Variants in ST3GAL2 observed in about 807,000 individuals in gnomAD.
ST3GAL2 encodes the protein CMP-N-acetylneuraminate-beta-galactosamide-alpha-2,3-sialyltransferase 2.
A neutral mutation model predicts 37.5 loss-of-function variants in ST3GAL2; 16 were observed. The ratio of observed to expected loss-of-function variants is 0.43; its 90% CI spans 0.29 to 0.65. The LOEUF is 0.65. Among genes scored for constraint, ST3GAL2 ranks in the 30% least tolerant of loss-of-function variants. ST3GAL2 has a pLI of 0.17. For missense variants in ST3GAL2, 383 were observed against 487.8 expected (o/e 0.79, Z 2.02); for synonymous variants, 238 against 202.9 (o/e 1.17, Z -1.47).
At chr16:70,414,633 C>G (rs983125387) in intron 1 of ST3GAL2, among the ~76,000 whole-genome samples, 1 of 152,116 alleles carries the variant, frequency 6.6e-6, no homozygotes, top group Non-Finnish European at 1.5e-5. Flanking sequence ...AGACTGTTAC[C>G]AAGCAGCCAA....
chr16:70,376,618 C>G lies in ST3GAL2; in HGVS notation c.*5071G>C, dbSNP rs2047347694. On this transcript the variant is annotated 3_prime_UTR_variant, in exon 7 of 7. Transcript: ENST00000342907. ...TGAGAAGGGGCATTGATTCCTAATT[C>G]ACACTCAAAAGGGAATACTTTTATT... 1 of 152,150 alleles carries G rather than the reference C, an allele frequency of 6.6e-6. No individual in the cohort carries two copies. The highest frequency in any genetic ancestry group is 2.4e-5 in the African/African-American group (1 of 41,426). The allele number at this position is 152,150 out of a possible 1,614,324, so 9.4% of individuals were successfully genotyped here.
At chr16:70,429,725 T>G (rs2047776428) in intron 1 of ST3GAL2, among the ~76,000 whole-genome samples, 1 of 129,984 alleles carries the variant, frequency 7.7e-6, no homozygotes, top group Non-Finnish European at 1.6e-5. Flanking sequence ...CACTGTAACC[T>G]CCACCTCCCA....
intron 1 of ST3GAL2, among the ~76,000 whole-genome samples, chr16:70,411,819 AC>A (rs1006482675): frequency 1.3e-5 from 2 of 151,816 alleles, no homozygotes; most frequent in Non-Finnish European, 2.9e-5. Context: ...ACATGGAGAA[AC>A]CCCGTCTCTA....
intron 1 of ST3GAL2, among the ~76,000 whole-genome samples, chr16:70,437,587 G>A (rs866410032): frequency 2.7e-5 from 4 of 149,326 alleles, no homozygotes; most frequent in Admixed American, 6.8e-5. Context: ...CTGAGCCCTC[G>A]TTCCCTCTAA....
intron 1 of ST3GAL2, among the ~76,000 whole-genome samples, chr16:70,416,200 G>A (rs1243853677): frequency 6.6e-6 from 1 of 152,166 alleles, no homozygotes; most frequent in African/African-American, 2.4e-5. Flanking sequence ...TCTTTCAGCT[G>A]CTAATGTATT....
chr16:70,381,944 G>T, intron 6 of ST3GAL2, 82 bp from the exon 7 acceptor site: 1 of 1,557,350 alleles, frequency 6.4e-7, no homozygotes, highest in Non-Finnish European at 8.7e-7. Context: ...ACAGGGAGGA[G>T]AGGGGACGGG....
chr16:70,438,783 C>T (rs1247871512), intron 1 of ST3GAL2, among the ~76,000 whole-genome samples, 166 bp downstream of exon 1: 6 of 151,988 alleles, frequency 3.9e-5, no homozygotes, highest in Non-Finnish European at 1.5e-5. Flanking sequence ...CGCGCGGACC[C>T]CCGCCCACAC....
chr16:70,438,112 G>C (rs908520844), intron 1 of ST3GAL2, among the ~76,000 whole-genome samples: 1 of 152,222 alleles, frequency 6.6e-6, no homozygotes, highest in Admixed American at 6.5e-5. Context: ...GCTAACTTGA[G>C]CAAGCAAGCA....
chr16:70,435,618 A>G (rs1454779314), intron 1 of ST3GAL2, among the ~76,000 whole-genome samples: 1 of 151,116 alleles, frequency 6.6e-6, no homozygotes. Flanking sequence ...AATAAAAAAT[A>G]AAATAAATTT....
At chr16:70,407,434 C>G (rs528792792) in intron 1 of ST3GAL2, among the ~76,000 whole-genome samples, 3 of 152,190 alleles carry the variant, frequency 2.0e-5, no homozygotes, top group Non-Finnish European at 4.4e-5. Context: ...AGCCACTGTG[C>G]CAATACTACA....
chr16:70,419,703 G>A (rs956976805), intron 1 of ST3GAL2, among the ~76,000 whole-genome samples: 5 of 152,198 alleles, frequency 3.3e-5, no homozygotes, highest in Non-Finnish European at 7.3e-5. Flanking sequence ...AGAGCAGCTC[G>A]CTCGCCTCGC....
chr16:70,408,212 A>G (rs1054309076), intron 1 of ST3GAL2, among the ~76,000 whole-genome samples: 2 of 152,192 alleles, frequency 1.3e-5, no homozygotes, highest in Non-Finnish European at 2.9e-5. Context: ...ACGCCATGCC[A>G]GGTCTGATGA....
chr16:70,392,781 G>A (rs2047490415), intron 3 of ST3GAL2, among the ~76,000 whole-genome samples: 1 of 152,132 alleles, frequency 6.6e-6, no homozygotes, highest in South Asian at 2.1e-4. Context: ...CACCCCCAGT[G>A]CCATCTGTTG....
At chr16:70,396,698 T>C (rs1229538090) in intron 2 of ST3GAL2, among the ~76,000 whole-genome samples, 2 of 152,180 alleles carry the variant, frequency 1.3e-5, no homozygotes, top group Non-Finnish European at 2.9e-5. Context: ...GCAGGTTCTG[T>C]GACATCATTC....
chr16:70,384,237 G>A (rs189708805), intron 4 of ST3GAL2, among the ~76,000 whole-genome samples: 1 of 152,224 alleles, frequency 6.6e-6, no homozygotes, highest in Non-Finnish European at 1.5e-5. Context: ...AGGATAAACG[G>A]ATAAACAAAA....
intron 1 of ST3GAL2, among the ~76,000 whole-genome samples, chr16:70,408,097 T>C (rs2047606110): frequency 6.6e-6 from 1 of 152,028 alleles, no homozygotes; most frequent in South Asian, 2.1e-4. Context: ...GACCGATGCT[T>C]TATGAACCTC....
chr16:70,401,855 G>A (rs996612494), intron 1 of ST3GAL2, among the ~76,000 whole-genome samples: 49 of 152,000 alleles, frequency 3.2e-4, no homozygotes, highest in South Asian at 2.1e-4. Flanking sequence ...TCAGCCAGGC[G>A]TTGTGGTGGC....
At chr16:70,423,976 T>G (rs1348419248) in intron 1 of ST3GAL2, among the ~76,000 whole-genome samples, 1 of 151,630 alleles carries the variant, frequency 6.6e-6, no homozygotes, top group African/African-American at 2.4e-5. Flanking sequence ...GAAAATGGCA[T>G]GAACTCGGGA....
At chr16:70,394,874 A>G (rs2047504557) in intron 3 of ST3GAL2, 108 bp downstream of exon 3, 2 of 1,310,318 alleles carry the variant, frequency 1.5e-6, no homozygotes, top group Admixed American at 4.5e-5. Flanking sequence ...AGGGCCCCAC[A>G]GCACACCGGT....
Sources: gnomAD v4.1 joint callset for allele counts (sites outside exome capture counted in the v4.1 genomes callset) on GRCh38, gnomAD v4.1.1 for gene constraint, MANE v1.5 for transcripts, NCBI Gene and HGNC (gene_info 2026-07-23, HGNC 2026-07-21) for gene names.